Variants in INSR observed in about 807,000 individuals in gnomAD.
INSR encodes the protein insulin receptor, also known as IR.
A neutral mutation model predicts 142.6 loss-of-function variants in INSR; 67 were observed. The ratio of observed to expected loss-of-function variants is 0.47; its 90% CI spans 0.39 to 0.58. INSR has a LOEUF of 0.58. INSR is among the 20% of genes least tolerant of loss of function. The pLI is 0.00. For missense variants in INSR, 1,248 were observed against 1,833.2 expected (o/e 0.68, Z 5.83); for synonymous variants, 756 against 743.1 (o/e 1.02, Z -0.28).
chr19:7,284,438 C>T (rs1348688147), intron 1 of INSR, among the ~76,000 whole-genome samples: 3 of 152,076 alleles, frequency 2.0e-5, no homozygotes, highest in Non-Finnish European at 2.9e-5. Context: ...GCTTCAGCAC[C>T]CTGGGGGGCA....
intron 1 of INSR, among the ~76,000 whole-genome samples, chr19:7,270,316 T>TTCTCTCTCTCTCTCTCTCTC (rs371690798): frequency 3.1e-5 from 4 of 128,270 alleles, no homozygotes; most frequent in African/African-American, 1.2e-4. Flanking sequence ...TATATTTCAT[T>TTCTCTCTCTCTCTCTCTCTC]TCTCTCTCTC....
rs1972522302 is a variant in INSR, at chr19:7,122,668, C to T, written c.3475G>A (p.Asp1159Asn). Reference sequence around the variant, plus strand: ...ACCATGCAGTTTCTCGCTGCCAGGTCCCGATGCACAAACTTCTTGGCGTTC... The same window carrying T: ...ACCATGCAGTTTCTCGCTGCCAGGTTCCGATGCACAAACTTCTTGGCGTTC... ...YLNAKKFVHR[D>N]LAARNCMVAH... The change falls in exon 19 of 22, where the codon GAC (aspartate) becomes AAC (asparagine). Residue 1159 changes from aspartate (D) to asparagine (N), a missense_variant. Around this residue, in one of 3 missense-constraint regions of INSR, gnomAD observed 1,069 missense variants for 1,654.0 expected, o/e 0.65. Transcript: ENST00000302850. 1.9e-6 allele frequency: 3 copies of T among 1,614,074 alleles called. No individual in the cohort carries two copies. Among genetic ancestry groups the T allele is most frequent in the Non-Finnish European group, 2.5e-6 (3 of 1,180,042 alleles).
chr19:7,167,967 C>A lies in INSR; in HGVS notation c.1610+1G>T. 6.2e-7 allele frequency: 1 copy of A among 1,613,924 alleles called. No homozygotes were observed. The highest frequency in any genetic ancestry group is 8.5e-7 in the Non-Finnish European group (1 of 1,179,930). On this transcript the variant is annotated splice_donor_variant, in intron 7 of 21. Transcript: ENST00000302850. LOFTEE classifies it high-confidence loss of function. ...AGCGTCTCTCTAACTCTTCTACTTACGCCTCTTTGTAGAACAGCATGAACC... is the reference window on the plus strand; with the variant it reads ...AGCGTCTCTCTAACTCTTCTACTTAAGCCTCTTTGTAGAACAGCATGAACC...
chr19:7,248,838 A>G (rs1301675277), intron 2 of INSR, among the ~76,000 whole-genome samples: 7 of 142,828 alleles, frequency 4.9e-5, no homozygotes, highest in Non-Finnish European at 9.0e-5. Flanking sequence ...GCTCACTGCA[A>G]ACTCTGCCTC....
At chr19:7,163,960 A>G (rs1973827285) in intron 8 of INSR, among the ~76,000 whole-genome samples, 2 of 142,588 alleles carry the variant, frequency 1.4e-5, no homozygotes, top group South Asian at 2.2e-4. Flanking sequence ...TTAGCTGGAC[A>G]TGGTGGTGGG....
At chr19:7,261,844 G>A (rs1481805675) in intron 2 of INSR, among the ~76,000 whole-genome samples, 1 of 152,008 alleles carries the variant, frequency 6.6e-6, no homozygotes, top group Non-Finnish European at 1.5e-5. Flanking sequence ...CTTAACCATT[G>A]AAAGCCTTTT....
chr19:7,190,094 C>G (rs377076014), intron 2 of INSR, among the ~76,000 whole-genome samples: 1 of 152,124 alleles, frequency 6.6e-6, no homozygotes, highest in South Asian at 2.1e-4. Context: ...TGCCTGTAAT[C>G]CCAGCACTTT....
At chr19:7,254,674 C>T (rs754096117) in intron 2 of INSR, among the ~76,000 whole-genome samples, 6 of 152,200 alleles carry the variant, frequency 3.9e-5, no homozygotes, top group Non-Finnish European at 7.3e-5. Context: ...CTGACACAGG[C>T]GCATTGAGAG....
intron 9 of INSR, among the ~76,000 whole-genome samples, chr19:7,154,950 C>T (rs569350156): frequency 6.6e-6 from 1 of 152,144 alleles, no homozygotes; most frequent in South Asian, 2.1e-4. Context: ...CTGCCCGACA[C>T]CATAATCACA....
chr19:7,240,780 G>C (rs1236279996), intron 2 of INSR, among the ~76,000 whole-genome samples: 1 of 152,096 alleles, frequency 6.6e-6, no homozygotes, highest in Non-Finnish European at 1.5e-5. Flanking sequence ...TGAAAACCTT[G>C]TTTCCCGCAC....
chr19:7,219,507 G>GGGAAGGAAGGAGGGAGGGAT (rs1329219543), intron 2 of INSR, among the ~76,000 whole-genome samples: 1 of 129,038 alleles, frequency 7.7e-6, no homozygotes, highest in Admixed American at 7.7e-5. Context: ...GAGGGAGGGA[G>GGGAAGGAAGGAGGGAGGGAT]GGAACGAAGG....
At chr19:7,156,782 C>CTTT (rs746400499) in intron 9 of INSR, among the ~76,000 whole-genome samples, 42 of 63,194 alleles carry the variant, frequency 6.6e-4, no homozygotes, top group African/African-American at 1.6e-3. Flanking sequence ...CTATTTCTCT[C>CTTT]TTTTTTTTTT....
chr19:7,179,734 A>C (rs1389036505), intron 3 of INSR, among the ~76,000 whole-genome samples: 1 of 152,316 alleles, frequency 6.6e-6, no homozygotes, highest in Admixed American at 6.5e-5. Flanking sequence ...AATATTTACT[A>C]TCTGGCCCTT....
intron 3 of INSR, among the ~76,000 whole-genome samples, chr19:7,175,119 C>A (rs905999038): frequency 6.6e-6 from 1 of 152,068 alleles, no homozygotes; most frequent in Non-Finnish European, 1.5e-5. Flanking sequence ...GCTGGGATTA[C>A]AGGTGTGAGC....
rs551610792 is a variant in INSR at position 7,116,847 on chromosome 19, C to G, written c.*209G>C. On this transcript the variant is annotated 3_prime_UTR_variant, in exon 22 of 22. Coordinates refer to ENST00000302850, the MANE Select transcript of INSR (RefSeq NM_000208.4). The stretch of plus-strand genomic sequence containing the variant: ...AGCAGCAACTGTGGAAACCCCTTGC[C>G]CTCCAGGTTCACAGTTAAATCCTCT... 13 of 560,562 alleles carry G rather than the reference C, an allele frequency of 2.3e-5. No individual in the cohort carries two copies. The East Asian group carries it at 3.5e-4, about 15-fold the overall frequency. The allele number at this position is 560,562 out of a possible 1,614,324, so 34.7% of individuals were successfully genotyped here. A position where few individuals can be genotyped will look rare whatever the true frequency, so the allele number is the denominator to read the frequency against.
chr19:7,178,245 G>GT (rs1223783454), intron 3 of INSR, among the ~76,000 whole-genome samples: 8 of 85,462 alleles, frequency 9.4e-5, no homozygotes, highest in Non-Finnish European at 1.3e-4. Flanking sequence ...GTGACTTGTG[G>GT]GGGGGGGGGT....
chr19:7,257,905 T>C (rs997443232), intron 2 of INSR, among the ~76,000 whole-genome samples: 2 of 152,102 alleles, frequency 1.3e-5, no homozygotes, highest in Non-Finnish European at 2.9e-5. Context: ...TCATTGCAAC[T>C]TCCGCCTCCC....
Position 7,125,904 on chromosome 19 carries a change from GA to G in INSR, c.3014-378del, listed in dbSNP as rs1327140885. The stretch of plus-strand genomic sequence containing the variant: ...GGAAGACAGGTTGTAATAGGTTGGG[GA>G]AAAAAAAAGCCAGGATACTTGGAGC... On this transcript the variant is annotated intron_variant, in intron 16 of 21. Coordinates refer to ENST00000302850, the MANE Select transcript of INSR (RefSeq NM_000208.4). This position sits in a 1 kb window ranked among gnomAD's most constrained non-coding sequence, Gnocchi z 4.9. Among the ~76,000 whole-genome samples, 4 of 151,360 alleles carry G rather than the reference GA, an allele frequency of 2.6e-5. No homozygotes were observed. Among genetic ancestry groups the G allele is most frequent in the East Asian group, 3.9e-4 (2 of 5,148 alleles).
rs530780193 is a variant in INSR at position 7,159,123 on chromosome 19, G to A, written c.2029+3909C>T. Among the ~76,000 whole-genome samples the A allele has an allele frequency of 8.5e-5, 13 of 152,158 alleles. No homozygotes were observed. The highest frequency in any genetic ancestry group is 2.9e-4 in the African/African-American group (12 of 41,518). ...TCACCATGTTGCCCAGGCTGGTCTC[G>A]AACTCCTGGCCTCAAAGTGATCCAC... is the stretch of plus-strand genomic sequence containing the variant. On this transcript the variant is annotated intron_variant, in intron 9 of 21. Coordinates refer to ENST00000302850, the MANE Select transcript of INSR (RefSeq NM_000208.4). This position sits in a 1 kb window ranked among gnomAD's most constrained non-coding sequence, Gnocchi z 4.3.
Sources: gnomAD v4.1 joint callset for allele counts (sites outside exome capture counted in the v4.1 genomes callset) on GRCh38, gnomAD v4.1.1 for gene constraint, gnomAD v4.1.1 regional missense constraint, Gnocchi (gnomAD v3.1) non-coding constraint, MANE v1.5 for transcripts, NCBI Gene and HGNC (gene_info 2026-07-23, HGNC 2026-07-21) for gene names.